Variants in ADTRP observed in about 807,000 individuals in gnomAD.
The protein encoded by ADTRP is androgen dependent TFPI regulating protein.
A neutral mutation model predicts 27.0 loss-of-function variants in ADTRP; 20 were observed. That is an observed-to-expected ratio of 0.74 (90% confidence interval 0.52 to 1.08). The LOEUF is 1.08. Among genes scored for constraint, ADTRP ranks in the 50% least tolerant of loss-of-function variants. The pLI is 0.00. For synonymous variants in ADTRP, 101 were observed against 105.2 expected (o/e 0.96, Z 0.25); for missense variants, 251 against 275.0 (o/e 0.91, Z 0.62).
chr6:11,722,722 AG>A (rs1762057285), intron 5 of ADTRP, among the ~76,000 whole-genome samples: 1 of 151,944 alleles, frequency 6.6e-6, no homozygotes, highest in Non-Finnish European at 1.5e-5. Flanking sequence ...TTTTTTTCTT[AG>A]GAAGAAGCAA....
At chr6:11,741,524 T>A (rs1762714295) in intron 3 of ADTRP, among the ~76,000 whole-genome samples, 1 of 152,206 alleles carries the variant, frequency 6.6e-6, no homozygotes, top group Non-Finnish European at 1.5e-5. Flanking sequence ...GGTGGTTAAA[T>A]GACAACTTTA....
chr6:11,760,106 C>T (rs545859144), intron 3 of ADTRP, among the ~76,000 whole-genome samples: 173 of 152,298 alleles, frequency 1.1e-3, no homozygotes, highest in Admixed American at 4.0e-3. Context: ...TGTTCAGTTA[C>T]GAAATTTGCA....
chr6:11,767,344 C>G lies in ADTRP; in HGVS notation c.288+905G>C, dbSNP rs527833792. Reference sequence around the variant, plus strand: ...TGAGACTTTATCTCAAACCCCTCCCCTACCCCCCAAAACCAAAAAGCTTGG... The same window carrying G: ...TGAGACTTTATCTCAAACCCCTCCCGTACCCCCCAAAACCAAAAAGCTTGG... On this transcript the variant is annotated intron_variant, in intron 2 of 5. Coordinates refer to ENST00000414691, the MANE Select transcript of ADTRP (RefSeq NM_032744.4). 7.2e-5 allele frequency among the ~76,000 whole-genome samples: 11 copies of G among 152,330 alleles called. No homozygotes were observed. The South Asian group carries it at 1.4e-3, about 20-fold the overall frequency.
At chr6:11,751,273 T>G (rs1763039510) in intron 3 of ADTRP, among the ~76,000 whole-genome samples, 1 of 152,218 alleles carries the variant, frequency 6.6e-6, no homozygotes. Flanking sequence ...CTTTTCACTA[T>G]GTTGTCTCCC....
intron 3 of ADTRP, among the ~76,000 whole-genome samples, chr6:11,748,529 C>G (rs1053647715): frequency 2.0e-5 from 3 of 152,230 alleles, no homozygotes; most frequent in Non-Finnish European, 4.4e-5. Context: ...CCTGGCCTTG[C>G]AGACCTTACA....
At chr6:11,770,801 C>T (rs980744156) in intron 1 of ADTRP, among the ~76,000 whole-genome samples, 1 of 152,148 alleles carries the variant, frequency 6.6e-6, no homozygotes, top group Non-Finnish European at 1.5e-5. Context: ...CACCAGTAGC[C>T]TCGCCTCACC....
chr6:11,748,493 G>T (rs556826640), intron 3 of ADTRP, among the ~76,000 whole-genome samples: 4 of 152,240 alleles, frequency 2.6e-5, no homozygotes, highest in Non-Finnish European at 5.9e-5. Flanking sequence ...GAGGTGCTAA[G>T]GATCAGAAGG....
At chr6:11,753,344 G>A (rs754892421) in intron 3 of ADTRP, among the ~76,000 whole-genome samples, 3 of 152,172 alleles carry the variant, frequency 2.0e-5, no homozygotes, top group Non-Finnish European at 2.9e-5. Flanking sequence ...TCCATTTCCT[G>A]ATGACCTGTA....
chr6:11,775,324 G>A (rs1354336789), intron 1 of ADTRP, among the ~76,000 whole-genome samples: 1 of 152,052 alleles, frequency 6.6e-6, no homozygotes, highest in Non-Finnish European at 1.5e-5. Flanking sequence ...ACGCCATTCT[G>A]AGCGCTTCCC....
At chr6:11,745,562 C>A (rs1762841387) in intron 3 of ADTRP, among the ~76,000 whole-genome samples, 1 of 152,140 alleles carries the variant, frequency 6.6e-6, no homozygotes, top group South Asian at 2.1e-4. Flanking sequence ...GACCACAAGT[C>A]CTTGTTTAAA....
intron 3 of ADTRP, among the ~76,000 whole-genome samples, chr6:11,765,192 T>C (rs1763523997): frequency 6.6e-6 from 1 of 152,122 alleles, no homozygotes; most frequent in Non-Finnish European, 1.5e-5. Context: ...ACTGAGTTGC[T>C]TTTCTGAGTT....
chr6:11,751,594 C>G (rs141658469), intron 3 of ADTRP, among the ~76,000 whole-genome samples: 37 of 152,258 alleles, frequency 2.4e-4, no homozygotes, highest in Non-Finnish European at 2.4e-4. Context: ...TTTTGCTCAG[C>G]ATTTTAGCTC....
chr6:11,766,200 A>G, intron 3 of ADTRP, 74 bp downstream of exon 3: 2 of 1,099,308 alleles, frequency 1.8e-6, no homozygotes, highest in Admixed American at 2.3e-5. Context: ...TTGGAAACAT[A>G]GATAAGGCAC....
At chr6:11,728,239 C>T (rs1226051285) in intron 4 of ADTRP, 3 of 152,330 alleles carry the variant, frequency 2.0e-5, no homozygotes, top group Non-Finnish European at 4.4e-5. Context: ...TATTGCAAGC[C>T]ATCAGTAATC....
chr6:11,722,790 T>C (rs1762059226), intron 5 of ADTRP, among the ~76,000 whole-genome samples: 1 of 152,210 alleles, frequency 6.6e-6, no homozygotes, highest in Admixed American at 6.5e-5. Flanking sequence ...TTCTCATTGC[T>C]GAAGACTCTG....
intron 3 of ADTRP, among the ~76,000 whole-genome samples, chr6:11,741,584 T>C (rs948861376): frequency 5.9e-5 from 9 of 152,242 alleles, no homozygotes; most frequent in African/African-American, 2.2e-4. Flanking sequence ...ACTACACTGC[T>C]GTCCTTTGGG....
intron 3 of ADTRP, among the ~76,000 whole-genome samples, chr6:11,760,318 G>C (rs750492220): frequency 1.3e-5 from 2 of 152,148 alleles, no homozygotes; most frequent in Non-Finnish European, 2.9e-5. Context: ...AAGTCCAGTG[G>C]AAAGGTCTGA....
At chr6:11,720,633 G>A (rs980349974) in intron 5 of ADTRP, among the ~76,000 whole-genome samples, 4 of 152,016 alleles carry the variant, frequency 2.6e-5, no homozygotes, top group Admixed American at 6.6e-5. Flanking sequence ...CACCACACCC[G>A]GCTAATTTTT....
chr6:11,773,816 A>C (rs1435586626), intron 1 of ADTRP, among the ~76,000 whole-genome samples: 1 of 152,220 alleles, frequency 6.6e-6, no homozygotes, highest in East Asian at 1.9e-4. Flanking sequence ...CAGGTCTTCA[A>C]TCACTCATCT....
Sources: gnomAD v4.1 joint callset for allele counts (sites outside exome capture counted in the v4.1 genomes callset) on GRCh38, gnomAD v4.1.1 for gene constraint, MANE v1.5 for transcripts, NCBI Gene and HGNC (gene_info 2026-07-23, HGNC 2026-07-21) for gene names.